The following DDAH1 variants were observed in gnomAD, a reference collection of about 807,000 sequenced individuals.
The protein encoded by DDAH1 is dimethylarginine dimethylaminohydrolase 1, also known as N(G),N(G)-dimethylarginine dimethylaminohydrolase 1.
Under a neutral mutation model 28.8 loss-of-function variants are expected in DDAH1, and 19 were observed. The ratio of observed to expected loss-of-function variants is 0.66; its 90% CI spans 0.46 to 0.97. DDAH1 has a LOEUF of 0.97. DDAH1 is among the 50% of genes least tolerant of loss of function. The pLI, the probability that DDAH1 is intolerant of heterozygous loss-of-function variation, is 0.00. For missense variants in DDAH1, 326 were observed against 375.9 expected (o/e 0.87, Z 1.10); for synonymous variants, 153 against 154.4 (o/e 0.99, Z 0.07).
rs550809409 is a variant in DDAH1 at position 85,545,011 on chromosome 1, G to A, written c.-123+32973C>T. ...GGGGGGTTGGAGAAGAGCTAGGGGAGCTGCAAAATCTAACATTATATGAGA... is the reference window on the plus strand; with the variant it reads ...GGGGGGTTGGAGAAGAGCTAGGGGAACTGCAAAATCTAACATTATATGAGA... On this transcript the variant is annotated intron_variant, in intron 1 of 6. Coordinates refer to the DDAH1 transcript ENST00000426972. 2.6e-5 allele frequency among the ~76,000 whole-genome samples: 4 copies of A among 152,298 alleles called. No individual in the cohort carries two copies. In the South Asian group the frequency reaches 8.3e-4, roughly 32 times the overall value.
intron 1 of DDAH1, among the ~76,000 whole-genome samples, chr1:85,520,733 G>C (rs1657654971): frequency 6.6e-6 from 1 of 152,196 alleles, no homozygotes; most frequent in South Asian, 2.1e-4. Flanking sequence ...ACTGAACGCA[G>C]GGGACAATAG....
intron 1 of DDAH1, among the ~76,000 whole-genome samples, chr1:85,417,705 C>A (rs1254149955): frequency 2.6e-5 from 4 of 152,116 alleles, no homozygotes; most frequent in Non-Finnish European, 4.4e-5. Context: ...TTATTCAATA[C>A]AAAAAGAATA....
chr1:85,559,480 G>C (rs931244088), intron 1 of DDAH1, among the ~76,000 whole-genome samples: 1 of 151,968 alleles, frequency 6.6e-6, no homozygotes, highest in South Asian at 2.1e-4. Context: ...CAAGAAGCAA[G>C]AAAATGTGAT....
At chr1:85,405,039 A>T (rs916094673) in intron 1 of DDAH1, among the ~76,000 whole-genome samples, 35 of 152,164 alleles carry the variant, frequency 2.3e-4, no homozygotes, top group African/African-American at 8.0e-4. Context: ...CTTGACAAGG[A>T]TAGACATGTT....
At chr1:85,374,736 A>C (rs1188851456) in intron 1 of DDAH1, among the ~76,000 whole-genome samples, 1 of 152,138 alleles carries the variant, frequency 6.6e-6, no homozygotes, top group Non-Finnish European at 1.5e-5. Context: ...ATAAAATTAT[A>C]CTATAAGCAC....
chr1:85,322,569 A>G (rs1171324684), intron 5 of DDAH1, among the ~76,000 whole-genome samples: 5 of 152,224 alleles, frequency 3.3e-5, no homozygotes, highest in African/African-American at 1.2e-4. Context: ...GAGCCAGAGT[A>G]GGGTCCCAAA....
intron 2 of DDAH1, among the ~76,000 whole-genome samples, chr1:85,354,052 T>G (rs1309506638): frequency 1.3e-5 from 2 of 152,162 alleles, no homozygotes; most frequent in African/African-American, 4.8e-5. Flanking sequence ...TTGGATGAGA[T>G]CTCCTAAATA....
chr1:85,411,947 A>C (rs1652670115), intron 1 of DDAH1, among the ~76,000 whole-genome samples: 1 of 152,186 alleles, frequency 6.6e-6, no homozygotes, highest in Admixed American at 6.5e-5. Flanking sequence ...CAATCTACCA[A>C]GGCCTGCAGG....
At chr1:85,441,113 A>G (rs754203034) in intron 1 of DDAH1, among the ~76,000 whole-genome samples, 5 of 152,256 alleles carry the variant, frequency 3.3e-5, no homozygotes, top group Non-Finnish European at 7.3e-5. Context: ...GATGCAGATA[A>G]TAACAGAATT....
intron 1 of DDAH1, among the ~76,000 whole-genome samples, chr1:85,387,661 C>G (rs1651346504): frequency 6.6e-6 from 1 of 152,104 alleles, no homozygotes; most frequent in Non-Finnish European, 1.5e-5. Flanking sequence ...GCCCTCCAAA[C>G]TCTTCCAAAC....
In DDAH1 at chr1:85,489,694, A is replaced by C. The variant is rs1161561302; in HGVS notation, c.-7+6472T>G. On this transcript the variant is annotated intron_variant, in intron 2 of 6. Transcript: ENST00000426972. The stretch of plus-strand genomic sequence containing the variant: ...AAAGATGGACATTGAAGGAAAGAGG[A>C]ATGGTTAAAGGGAGAGGAGGCAAAT... Among the ~76,000 whole-genome samples, 7 of 152,078 alleles carry C rather than the reference A, an allele frequency of 4.6e-5. No homozygotes were observed. The East Asian group carries it at 1.4e-3, about 29-fold the overall frequency.
chr1:85,417,001 T>C (rs150115404), intron 1 of DDAH1, among the ~76,000 whole-genome samples: 1 of 152,290 alleles, frequency 6.6e-6, no homozygotes, highest in African/African-American at 2.4e-5. Context: ...CAAGGTTCTC[T>C]CAGTGGCTTT....
chr1:85,503,761 A>G (rs1243201305), intron 1 of DDAH1, among the ~76,000 whole-genome samples: 1 of 152,204 alleles, frequency 6.6e-6, no homozygotes, highest in Non-Finnish European at 1.5e-5. Flanking sequence ...ATAAAGCAGG[A>G]AGATGGGATA....
intron 1 of DDAH1, among the ~76,000 whole-genome samples, chr1:85,386,637 A>G (rs529124239): frequency 6.6e-6 from 1 of 152,258 alleles, no homozygotes; most frequent in East Asian, 1.9e-4. Context: ...TGGGTCTATA[A>G]TTCTGGGATC....
At chr1:85,507,517 A>C (rs564758590) in intron 1 of DDAH1, among the ~76,000 whole-genome samples, 2 of 150,348 alleles carry the variant, frequency 1.3e-5, no homozygotes, top group African/African-American at 2.4e-5. Context: ...TAAATAAATA[A>C]ATAAATAAAT....
chr1:85,387,186 G>T (rs1651313664), intron 1 of DDAH1, among the ~76,000 whole-genome samples: 1 of 152,108 alleles, frequency 6.6e-6, no homozygotes, highest in Non-Finnish European at 1.5e-5. Flanking sequence ...GCAAGCAATA[G>T]ATCAGCCACA....
At chr1:85,383,483 A>C (rs986178656) in intron 1 of DDAH1, among the ~76,000 whole-genome samples, 3 of 152,230 alleles carry the variant, frequency 2.0e-5, no homozygotes, top group Non-Finnish European at 4.4e-5. Flanking sequence ...AGATGCTGTG[A>C]AACATTGTTG....
chr1:85,429,382 A>T (rs1233193540), intron 1 of DDAH1, among the ~76,000 whole-genome samples: 1 of 152,168 alleles, frequency 6.6e-6, no homozygotes, highest in Non-Finnish European at 1.5e-5. Flanking sequence ...TCCATGGTGT[A>T]TATGTGCCAC....
At chr1:85,450,004 C>T (rs545942629) in intron 1 of DDAH1, among the ~76,000 whole-genome samples, 1 of 152,238 alleles carries the variant, frequency 6.6e-6, no homozygotes, top group Non-Finnish European at 1.5e-5. Flanking sequence ...ATGGGTAATC[C>T]ACTAATTCCT....
Sources: allele counts gnomAD v4.1 joint callset (sites outside exome capture counted in the v4.1 genomes callset), GRCh38; gene constraint gnomAD v4.1.1; transcripts MANE v1.5; gene names NCBI Gene and HGNC (gene_info 2026-07-23, HGNC 2026-07-21).